Variants in PDLIM1 observed in about 807,000 individuals in gnomAD.
PDLIM1 encodes PDZ and LIM domain protein 1.
In PDLIM1, 25 loss-of-function variants were observed where a neutral mutation model predicts 35.2. That is an observed-to-expected ratio of 0.71 (90% CI 0.52 to 0.99). The LOEUF is 0.99. Ranked by LOEUF, PDLIM1 falls within the 50% of genes least tolerant of loss-of-function variation. The pLI is 0.00. For missense variants in PDLIM1, 363 were observed against 415.3 expected, an observed-to-expected ratio of 0.87 and a Z score of 1.09; for synonymous variants, 152 against 154.0, an observed-to-expected ratio of 0.99 and a Z score of 0.10.
Position 95,247,319 on chromosome 10 carries a change from G to T in PDLIM1, c.581C>A (p.Ser194Tyr), listed in dbSNP as rs751476898. 2 of 1,614,002 alleles carry T rather than the reference G, an allele frequency of 1.2e-6. No individual in the cohort carries two copies. Among genetic ancestry groups the T allele is most frequent in the Non-Finnish European group, 1.7e-6 (2 of 1,179,874 alleles). The change falls in exon 5 of 7, where the codon TCT becomes TAT. Residue 194 changes from serine (S) to tyrosine (Y), a missense_variant. Ser to Tyr is a moderately radical substitution (Grantham distance 144, BLOSUM62 -2). Transcript: ENST00000329399. ...PPSSLVIDKESEVYKMLQEKQ... is the reference protein window; with the variant it reads ...PPSSLVIDKEYEVYKMLQEKQ... The stretch of plus-strand genomic sequence containing the variant: ...CTCCTGAAGCATCTTGTAAACTTCA[G>T]ATTCTTTGTCGATGACAAGGCTGCT...
intron 5 of PDLIM1, among the ~76,000 whole-genome samples, chr10:95,240,025 G>A (rs149871721): frequency 3.2e-3 from 482 of 152,274 alleles, no homozygotes; most frequent in African/African-American, 0.01. Flanking sequence ...AAAAAAGAAC[G>A]CTTTCACACT....
Position 95,290,940 on chromosome 10 carries a change from C to T in PDLIM1, c.-25G>A. The T allele has an allele frequency of 6.8e-7, 1 of 1,475,850 alleles. No homozygotes were observed. Among genetic ancestry groups the T allele is most frequent in the South Asian group, 1.2e-5 (1 of 81,732 alleles). The allele number at this position is 1,475,850 out of a possible 1,614,324, so 91.4% of individuals were successfully genotyped here. ...TGGCGCGGCTGTGGCGGGCGACGAC[C>T]CGCGGGGACAGACGGGCAGGACGCG... On this transcript the variant is annotated 5_prime_UTR_variant, in exon 1 of 7. Transcript: ENST00000329399. This position sits in a 1 kb window ranked among gnomAD's most constrained non-coding sequence, Gnocchi z 4.7.
chr10:95,274,293 C>CTTTTT (rs11429361), intron 1 of PDLIM1, among the ~76,000 whole-genome samples: 1 of 130,606 alleles, frequency 7.7e-6, no homozygotes, highest in Non-Finnish European at 1.6e-5. Flanking sequence ...CACAGTCATC[C>CTTTTT]TTTTTTTTTT....
chr10:95,289,740 C>A (rs765185915), intron 1 of PDLIM1, among the ~76,000 whole-genome samples: 2 of 152,258 alleles, frequency 1.3e-5, no homozygotes, highest in Admixed American at 6.5e-5. Context: ...GGGAGACAAG[C>A]TGAAGGGCAG....
intron 1 of PDLIM1, 91 bp from the exon 2 acceptor site, chr10:95,271,875 G>T: frequency 8.1e-7 from 1 of 1,230,274 alleles, no homozygotes; most frequent in Non-Finnish European, 1.1e-6. Context: ...ATGGAGCAAA[G>T]CCCTGAAAAA....
intron 4 of PDLIM1, among the ~76,000 whole-genome samples, chr10:95,255,842 T>C (rs1383293226): frequency 6.6e-6 from 1 of 151,640 alleles, no homozygotes; most frequent in Non-Finnish European, 1.5e-5. Flanking sequence ...AGTAAAATTG[T>C]ATCTGTTCAA....
chr10:95,269,064 T>C (rs1346484619), intron 2 of PDLIM1, among the ~76,000 whole-genome samples: 1 of 152,180 alleles, frequency 6.6e-6, no homozygotes. Flanking sequence ...CTCCCCAGCA[T>C]AGCCCCAAGG....
At chr10:95,270,473 C>A (rs1182597142) in intron 2 of PDLIM1, among the ~76,000 whole-genome samples, 1 of 152,094 alleles carries the variant, frequency 6.6e-6, no homozygotes, top group Non-Finnish European at 1.5e-5. Flanking sequence ...CAGTAGGAAA[C>A]AGGGAGCCAA....
intron 6 of PDLIM1, 136 bp from the exon 7 acceptor site, chr10:95,238,247 C>T (rs2035144016): frequency 4.1e-6 from 3 of 731,926 alleles, no homozygotes; most frequent in Non-Finnish European, 6.7e-6. Flanking sequence ...AAACCAGGGC[C>T]TCCCAACTGG....
rs2901832 is a variant in PDLIM1, at chr10:95,238,701, C to T, written c.686-16G>A. On this transcript the variant is annotated splice_polypyrimidine_tract_variant and intron_variant, in intron 5 of 6. Coordinates refer to ENST00000329399, the MANE Select transcript of PDLIM1 (RefSeq NM_020992.4). ...TTGGGATCCCCTGAAATGAGGAAAA[C>T]ACTGTCATTGGCCAGGAAGGGCAGA... 266,566 of 1,510,548 alleles carry T rather than the reference C, an allele frequency of 0.18. 25,813 individuals are homozygous for T. Among genetic ancestry groups the T allele is most frequent in the Middle Eastern group, 0.35 (2,071 of 5,842 alleles). The allele number at this position is 1,510,548 out of a possible 1,614,324, so 93.6% of individuals were successfully genotyped here. A position where few individuals can be genotyped will look rare whatever the true frequency, so the allele number is the denominator to read the frequency against.
chr10:95,247,425 C>G, intron 4 of PDLIM1, 59 bp from the exon 5 acceptor site: 1 of 1,374,854 alleles, frequency 7.3e-7, no homozygotes. Flanking sequence ...ATAACTTCAC[C>G]AGGAACCTCC....
At chr10:95,260,103 G>C (rs11188253) in intron 4 of PDLIM1, among the ~76,000 whole-genome samples, 92,641 of 152,152 alleles carry the variant, frequency 0.61, 29,669 homozygotes, top group Non-Finnish European at 0.7. Flanking sequence ...TTAGCATTTA[G>C]TGAGCACCTA....
intron 3 of PDLIM1, among the ~76,000 whole-genome samples, chr10:95,266,764 C>T (rs1251189834): frequency 6.6e-6 from 1 of 152,132 alleles, no homozygotes; most frequent in Non-Finnish European, 1.5e-5. Flanking sequence ...TTCAAGAATG[C>T]ATCTGGTTTG....
At chr10:95,270,683 T>C (rs2133431680) in intron 2 of PDLIM1, among the ~76,000 whole-genome samples, 1 of 152,326 alleles carries the variant, frequency 6.6e-6, no homozygotes, top group African/African-American at 2.4e-5. Context: ...GTTCAAGTTT[T>C]TCTCTGTTAT....
chr10:95,261,898 C>T (rs907427087), intron 4 of PDLIM1, among the ~76,000 whole-genome samples: 1 of 151,868 alleles, frequency 6.6e-6, no homozygotes, highest in Non-Finnish European at 1.5e-5. Context: ...ATCCCAGCTA[C>T]TCGGGAGGCT....
intron 3 of PDLIM1, among the ~76,000 whole-genome samples, chr10:95,266,173 G>A (rs2035415580): frequency 6.6e-6 from 1 of 151,922 alleles, no homozygotes; most frequent in Non-Finnish European, 1.5e-5. Flanking sequence ...CTCCAGCCTG[G>A]GTGACAGAGC....
At chr10:95,264,860 C>T (rs572792117) in intron 3 of PDLIM1, among the ~76,000 whole-genome samples, 2 of 152,158 alleles carry the variant, frequency 1.3e-5, no homozygotes, top group East Asian at 1.9e-4. Flanking sequence ...TTTACAAACC[C>T]GCAAAGCCAC....
chr10:95,268,700 C>T, intron 3 of PDLIM1, 78 bp downstream of exon 3: 1 of 911,464 alleles, frequency 1.1e-6, no homozygotes, highest in Admixed American at 1.7e-5. Flanking sequence ...GCAGGAAAAA[C>T]AGGAATGTGC....
chr10:95,253,515 C>T (rs536249283), intron 4 of PDLIM1, among the ~76,000 whole-genome samples: 3 of 152,162 alleles, frequency 2.0e-5, no homozygotes, highest in South Asian at 2.1e-4. Flanking sequence ...ATTAGCTGGG[C>T]GTGGTGGCGG....
Sources: allele counts gnomAD v4.1 joint callset (sites outside exome capture counted in the v4.1 genomes callset), GRCh38; gene constraint gnomAD v4.1.1; non-coding constraint Gnocchi (gnomAD v3.1); transcripts MANE v1.5; gene names NCBI Gene and HGNC (gene_info 2026-07-23, HGNC 2026-07-21).